Variants in FBXL7 observed in about 807,000 individuals in gnomAD.
The protein encoded by FBXL7 is F-box and leucine rich repeat protein 7, also known as F-box/LRR-repeat protein 7.
A neutral mutation model predicts 38.3 loss-of-function variants in FBXL7; 12 were observed. The ratio of observed to expected loss-of-function variants is 0.31; its 90% CI spans 0.20 to 0.51. The LOEUF (loss-of-function observed/expected upper bound fraction) is 0.51, where lower values mean the gene tolerates loss of function less well. FBXL7 is among the 20% of genes least tolerant of loss of function. FBXL7 has a pLI of 0.98. For missense variants in FBXL7, 567 were observed against 676.4 expected (o/e 0.84, Z 1.79); for synonymous variants, 297 against 300.9 (o/e 0.99, Z 0.13).
rs1482765408 is a variant in FBXL7 at position 15,655,578 on chromosome 5, G to A, written c.127+39506G>A. Among the ~76,000 whole-genome samples the A allele has an allele frequency of 6.6e-5, 10 of 152,194 alleles. No homozygotes were observed. The South Asian group carries it at 1.0e-3, about 16-fold the overall frequency. On this transcript the variant is annotated intron_variant, in intron 2 of 3. Coordinates refer to ENST00000504595, the MANE Select transcript of FBXL7 (RefSeq NM_012304.5). The stretch of plus-strand genomic sequence containing the variant: ...CCATATGTTTGTTAGCATGGTAAGC[G>A]AAGATCCAGACTACAGTAGAATGTC...
chr5:15,818,191 T>G (rs1738072524), intron 2 of FBXL7, among the ~76,000 whole-genome samples: 1 of 152,090 alleles, frequency 6.6e-6, no homozygotes, highest in African/African-American at 2.4e-5. Context: ...AGAAAACACT[T>G]TTCTTTACTA....
chr5:15,929,197 G>A (rs1019661581), intron 3 of FBXL7, among the ~76,000 whole-genome samples: 7 of 152,202 alleles, frequency 4.6e-5, no homozygotes, highest in African/African-American at 1.7e-4. Context: ...TTGCCATTTT[G>A]TAGTGTCTCC....
At chr5:15,919,324 T>A (rs1406160617) in intron 2 of FBXL7, among the ~76,000 whole-genome samples, 2 of 152,188 alleles carry the variant, frequency 1.3e-5, no homozygotes, top group Non-Finnish European at 2.9e-5. Flanking sequence ...AAAATGTGTC[T>A]AATAAGCATG....
intron 3 of FBXL7, among the ~76,000 whole-genome samples, chr5:15,931,967 T>C (rs1330806080): frequency 6.6e-6 from 1 of 152,226 alleles, no homozygotes; most frequent in Non-Finnish European, 1.5e-5. Context: ...AGCTAGAGCA[T>C]TGATGGACTT....
At position 15,817,589 on chromosome 5, in the gene FBXL7, G is replaced by T. The variant is rs115151760; in HGVS notation, c.128-110301G>T. Among the ~76,000 whole-genome samples, 818 of 152,212 alleles carry T rather than the reference G, an allele frequency of 5.4e-3. 9 individuals carry two copies. The highest frequency in any genetic ancestry group is 0.019 in the African/African-American group (775 of 41,546). On this transcript the variant is annotated intron_variant, in intron 2 of 3. Transcript: ENST00000504595. ...CCATGTGTCATGGAAGGGTCCCAGT[G>T]GGGGGTAATTGAGTCATGGGGGTGG...
At chr5:15,817,215 AG>A (rs953219572) in intron 2 of FBXL7, among the ~76,000 whole-genome samples, 1 of 152,212 alleles carries the variant, frequency 6.6e-6, no homozygotes, top group Non-Finnish European at 1.5e-5. Context: ...ACAGATGGAC[AG>A]GTCCCAAGAA....
intron 1 of FBXL7, among the ~76,000 whole-genome samples, chr5:15,532,929 A>T (rs760926990): frequency 1.3e-5 from 2 of 152,242 alleles, no homozygotes; most frequent in Non-Finnish European, 2.9e-5. Flanking sequence ...GAAGAGTCAC[A>T]GATGCCTCCC....
intron 1 of FBXL7, among the ~76,000 whole-genome samples, chr5:15,586,684 T>C (rs954670710): frequency 6.6e-6 from 1 of 152,094 alleles, no homozygotes; most frequent in African/African-American, 2.4e-5. Context: ...ACATATTGAA[T>C]TTACTTTCTA....
intron 2 of FBXL7, among the ~76,000 whole-genome samples, chr5:15,753,742 G>T (rs949298830): frequency 6.6e-6 from 1 of 152,176 alleles, no homozygotes; most frequent in African/African-American, 2.4e-5. Context: ...GCTGTCTGCA[G>T]GGGAAGTAAA....
intron 2 of FBXL7, among the ~76,000 whole-genome samples, chr5:15,723,524 A>G (rs11748790): frequency 0.63 from 96,498 of 151,970 alleles, 31,146 homozygotes; most frequent in East Asian, 0.73. Flanking sequence ...CTAATTTCAA[A>G]CTACTGACAT....
At chr5:15,884,873 G>A (rs1269592692) in intron 2 of FBXL7, among the ~76,000 whole-genome samples, 1 of 152,186 alleles carries the variant, frequency 6.6e-6, no homozygotes, top group East Asian at 1.9e-4. Context: ...AATAAGCTGT[G>A]TATATGTGTG....
At chr5:15,575,375 G>C (rs756568450) in intron 1 of FBXL7, among the ~76,000 whole-genome samples, 3 of 152,122 alleles carry the variant, frequency 2.0e-5, no homozygotes, top group Non-Finnish European at 4.4e-5. Context: ...AACAGATCTA[G>C]AGTTTGATTC....
At chr5:15,812,849 C>A (rs1737904187) in intron 2 of FBXL7, among the ~76,000 whole-genome samples, 1 of 152,074 alleles carries the variant, frequency 6.6e-6, no homozygotes, top group African/African-American at 2.4e-5. Flanking sequence ...TCCTTCACAT[C>A]CTTGTAAGTT....
chr5:15,897,154 T>C (rs142223900), intron 2 of FBXL7, among the ~76,000 whole-genome samples: 1 of 151,924 alleles, frequency 6.6e-6, no homozygotes, highest in South Asian at 2.1e-4. Flanking sequence ...ACGTATATAT[T>C]TTTTTTTCAT....
At chr5:15,672,923 ATGTATTT>A (rs1742529149) in intron 2 of FBXL7, among the ~76,000 whole-genome samples, 4 of 152,132 alleles carry the variant, frequency 2.6e-5, no homozygotes, top group African/African-American at 9.7e-5. Flanking sequence ...CTTTTGCAAA[ATGTATTT>A]GGGTGCTATT....
intron 3 of FBXL7, among the ~76,000 whole-genome samples, chr5:15,933,972 A>G (rs1183326962): frequency 6.6e-6 from 1 of 152,142 alleles, no homozygotes; most frequent in Non-Finnish European, 1.5e-5. Context: ...TTTATAAAAT[A>G]TTAGGTTGGT....
chr5:15,516,163 A>T (rs563785325), intron 1 of FBXL7, among the ~76,000 whole-genome samples: 3 of 151,854 alleles, frequency 2.0e-5, no homozygotes, highest in African/African-American at 7.2e-5. Flanking sequence ...TTCTATATTT[A>T]CTCTATATTC....
chr5:15,571,909 C>T lies in FBXL7; in HGVS notation c.38-44074C>T, dbSNP rs781523076. ...GGTGGTTCAGACTGTGGCAAACTAG[C>T]CCACACATGCCCCATCTCTTACCCG... On this transcript the variant is annotated intron_variant, in intron 1 of 3. Coordinates refer to ENST00000504595, the MANE Select transcript of FBXL7 (RefSeq NM_012304.5). Among the ~76,000 whole-genome samples the T allele has an allele frequency of 4.4e-4, 67 of 152,186 alleles. No individual in the cohort carries two copies. The Middle Eastern group carries it at 0.01, about 23-fold the overall frequency.
intron 1 of FBXL7, among the ~76,000 whole-genome samples, chr5:15,590,932 A>G (rs577986594): frequency 1.3e-5 from 2 of 152,074 alleles, no homozygotes; most frequent in Non-Finnish European, 2.9e-5. Context: ...TTTCCTTTCT[A>G]TTTTTATAGG....
Sources: allele counts gnomAD v4.1 joint callset (sites outside exome capture counted in the v4.1 genomes callset), GRCh38; gene constraint gnomAD v4.1.1; transcripts MANE v1.5; gene names NCBI Gene and HGNC (gene_info 2026-07-23, HGNC 2026-07-21).